LTBR: variants seen among roughly 807,000 people sequenced by gnomAD.
LTBR encodes the protein tumor necrosis factor receptor superfamily member 3.
LTBR carries 15 observed loss-of-function variants against 45.4 expected under a neutral mutation model. The observed-to-expected ratio is 0.33, with a 90% confidence interval of 0.22 to 0.51. LTBR has a LOEUF of 0.51. LTBR is among the 20% of genes least tolerant of loss of function. LTBR has a pLI of 0.97. For synonymous variants in LTBR, 228 were observed against 231.0 expected (o/e 0.99, Z 0.12); for missense variants, 450 against 565.5 (o/e 0.80, Z 2.07).
Position 6,384,387 on chromosome 12 carries a change from C to G in LTBR, c.29C>G (p.Pro10Arg). The change falls in exon 1 of 10, where the codon CCC (proline) becomes CGC (arginine). Residue 10 changes from proline to arginine, a missense_variant. This residue lies in a region of LTBR where 367 missense variants were observed against 435.4 expected (regional missense o/e 0.84). Coordinates refer to ENST00000228918, the MANE Select transcript of LTBR (RefSeq NM_002342.3). The part of the protein sequence containing the change: MLLPWATSA[P>R]GLAWGPLVLG... ...CTCCTGCCTTGGGCCACCTCTGCCCCCGGCCTGGCCTGGGGGCCTCTGGTG... is the reference window on the plus strand; with the variant it reads ...CTCCTGCCTTGGGCCACCTCTGCCCGCGGCCTGGCCTGGGGGCCTCTGGTG... The G allele has an allele frequency of 6.5e-7, 1 of 1,537,378 alleles. No individual in the cohort carries two copies.
chr12:6,384,438 C>T lies in LTBR; in HGVS notation c.80C>T (p.Ala27Val), dbSNP rs1949014924. ...CTGGGCCTCTTCGGGCTCCTGGCAGCATCGCAGCCCCAGGCGGTGAGGAAG... is the reference window on the plus strand; with the variant it reads ...CTGGGCCTCTTCGGGCTCCTGGCAGTATCGCAGCCCCAGGCGGTGAGGAAG... ...LVLGLFGLLA[A>V]SQPQAVPPYA... Residue 27 changes from alanine to valine, a missense_variant, in exon 1 of 10, where the codon GCA becomes GTA. Transcript: ENST00000228918. 1 of 1,550,480 alleles carries T rather than the reference C, an allele frequency of 6.4e-7. No individual in the cohort carries two copies. The highest frequency in any genetic ancestry group is 1.2e-5 in the South Asian group (1 of 84,726).
intron 1 of LTBR, among the ~76,000 whole-genome samples, chr12:6,378,959 G>A (rs530922292): frequency 6.6e-6 from 1 of 152,068 alleles, no homozygotes; most frequent in South Asian, 2.1e-4. Flanking sequence ...GAAACCAGAG[G>A]GGCTGCCATG....
At position 6,375,607 on chromosome 12, in the gene LTBR, G is replaced by A. The variant is rs1173060998; in HGVS notation, c.39+13G>A. The A allele has an allele frequency of 1.1e-5, 14 of 1,240,478 alleles. No homozygotes were observed. The Admixed American group carries it at 1.2e-4, about 11-fold the overall frequency. 76.8% of individuals were successfully genotyped at this position (1,240,478 alleles called of 1,614,324 possible). A position where few individuals can be genotyped will look rare whatever the true frequency, so the allele number is the denominator to read the frequency against. Reference sequence around the variant, plus strand: ...ATCTCAATTAAAGGTGAGCAGGGCGGGGGGAGGGGCTGAGGAGGAGTCAGA... The same window carrying A: ...ATCTCAATTAAAGGTGAGCAGGGCGAGGGGAGGGGCTGAGGAGGAGTCAGA... On this transcript the variant is annotated intron_variant, in intron 1 of 9. Transcript: ENST00000539925.
At position 6,385,093 on chromosome 12, in the gene LTBR, A is replaced by G; in HGVS notation, c.265A>G (p.Asn89Asp). ...TGCCACATGTGCCGAGAATTCCTAC[A>G]ACGAGCACTGGAACTACCTGACCAT... Reference protein sequence around the residue: ...VCATCAENSYNEHWNYLTICQ... With the variant: ...VCATCAENSYDEHWNYLTICQ... Residue 89 changes from asparagine to aspartate, a missense_variant, in exon 3 of 10, where the codon AAC (asparagine) becomes GAC (aspartate). Physicochemically the swap from Asn to Asp is conservative, Grantham distance 23. Coordinates refer to ENST00000228918, the MANE Select transcript of LTBR (RefSeq NM_002342.3). 6.2e-7 allele frequency: 1 copy of G among 1,614,178 alleles called. No homozygotes were observed. The highest frequency in any genetic ancestry group is 8.5e-7 in the Non-Finnish European group (1 of 1,180,020).
chr12:6,386,604 TAC>T lies in LTBR; in HGVS notation c.667+191_667+192del, dbSNP rs3075360. The T allele has an allele frequency of 0.24, 125,447 of 520,378 alleles. 2,624 individuals carry two copies. The highest frequency in any genetic ancestry group is 0.31 in the Admixed American group (9,345 of 30,230). 32.2% of individuals were successfully genotyped at this position (520,378 alleles called of 1,614,324 possible). On this transcript the variant is annotated intron_variant, in intron 6 of 9. Transcript: ENST00000228918. The surrounding 1 kb of genome is among the most constrained non-coding windows in gnomAD (Gnocchi z 4.1). ...AAATTGGAGTATCTCTAGGCTAGTTTACACACACACACACACACACACACACA... is the reference window on the plus strand; with the variant it reads ...AAATTGGAGTATCTCTAGGCTAGTTTACACACACACACACACACACACACA...
chr12:6,390,107 T>C lies in LTBR; in HGVS notation c.802-5T>C. ...ATTGTTTGGGTCTCCATCTCTTTCC[T>C]GCAGGGAGAGGGACCCAATCCTGTA... is the stretch of plus-strand genomic sequence containing the variant. On this transcript the variant is annotated splice_polypyrimidine_tract_variant and splice_region_variant and intron_variant, in intron 8 of 9. Transcript: ENST00000228918. 6.2e-7 allele frequency: 1 copy of C among 1,607,308 alleles called. No individual in the cohort carries two copies. The highest frequency in any genetic ancestry group is 8.5e-7 in the Non-Finnish European group (1 of 1,174,064).
chr12:6,377,682 C>T lies in LTBR; in HGVS notation c.39+2088C>T, dbSNP rs1367393456. 5.4e-6 allele frequency: 7 copies of T among 1,298,762 alleles called. No individual in the cohort carries two copies. In the East Asian group the frequency reaches 2.7e-4, roughly 49 times the overall value. 80.5% of individuals were successfully genotyped at this position (1,298,762 alleles called of 1,614,324 possible). A position where few individuals can be genotyped will look rare whatever the true frequency, so the allele number is the denominator to read the frequency against. On this transcript the variant is annotated intron_variant, in intron 1 of 9. Transcript: ENST00000539925. ...AGGTCCTTACATTGGGCATGGTCCTCCCTGCAATAAGGTGCTCAGCACCCT... is the reference window on the plus strand; with the variant it reads ...AGGTCCTTACATTGGGCATGGTCCTTCCTGCAATAAGGTGCTCAGCACCCT...
Position 6,386,469 on chromosome 12 carries a change from C to CGGT in LTBR, c.667+27_667+28insTGG. On this transcript the variant is annotated intron_variant, in intron 6 of 9. Coordinates refer to ENST00000228918, the MANE Select transcript of LTBR (RefSeq NM_002342.3). The surrounding 1 kb of genome is among the most constrained non-coding windows in gnomAD (Gnocchi z 4.1). Reference sequence around the variant, plus strand: ...GGTGAGGGACCAGGGCTGAGGGACACGGGGGGGGCGCCTCTGAAAATGCCT... The same window carrying CGGT: ...GGTGAGGGACCAGGGCTGAGGGACACGGTGGGGGGGGCGCCTCTGAAAATGCCT... The CGGT allele has an allele frequency of 6.7e-7, 1 of 1,483,910 alleles. No individual in the cohort carries two copies. The highest frequency in any genetic ancestry group is 1.2e-5 in the South Asian group (1 of 85,528). 91.9% of individuals were successfully genotyped at this position (1,483,910 alleles called of 1,614,324 possible).
chr12:6,388,938 A>G lies in LTBR; in HGVS notation c.801+113A>G, dbSNP rs1412507324. 3.7e-6 allele frequency: 5 copies of G among 1,336,960 alleles called. No homozygotes were observed. The African/African-American group carries it at 7.2e-5, about 19-fold the overall frequency. The allele number at this position is 1,336,960 out of a possible 1,614,324, so 82.8% of individuals were successfully genotyped here. Reference sequence around the variant, plus strand: ...GACTCCACACTCATTCATTCATTCAACTGATGATTTACTGAACATGCCACG... The same window carrying G: ...GACTCCACACTCATTCATTCATTCAGCTGATGATTTACTGAACATGCCACG... On this transcript the variant is annotated intron_variant, in intron 8 of 9. Transcript: ENST00000228918. The surrounding 1 kb of genome is among the most constrained non-coding windows in gnomAD (Gnocchi z 4.3).
At chr12:6,384,742 C>A in intron 2 of LTBR, 58 bp downstream of exon 2, 1 of 1,507,628 alleles carries the variant, frequency 6.6e-7, no homozygotes, top group Non-Finnish European at 9.2e-7. Flanking sequence ...GGGGCTCCAG[C>A]CCCCTCGCGG....
At chr12:6,377,630 C>T in intron 1 of LTBR, 1 of 1,303,904 alleles carries the variant, frequency 7.7e-7, no homozygotes, top group South Asian at 1.2e-5. Flanking sequence ...CCCAGAGACC[C>T]CTAGAAACTC....
upstream of LTBR, among the ~76,000 whole-genome samples, chr12:6,381,430 C>T (rs1200793726): frequency 6.6e-6 from 1 of 152,202 alleles, no homozygotes; most frequent in Non-Finnish European, 1.5e-5. Context: ...GCAAGCAAAC[C>T]AGTAGCTGAC....
In LTBR at chr12:6,391,006, C is replaced by G; in HGVS notation, c.*69C>G. On this transcript the variant is annotated 3_prime_UTR_variant, in exon 10 of 10. Transcript: ENST00000228918. Reference sequence around the variant, plus strand: ...TTCTCCCTTGAGGCTGCCCTGCCCACGTGGGATTCACAGGGGCCTGAGTAG... The same window carrying G: ...TTCTCCCTTGAGGCTGCCCTGCCCAGGTGGGATTCACAGGGGCCTGAGTAG... The G allele has an allele frequency of 6.9e-7, 1 of 1,442,328 alleles. No homozygotes were observed. Among genetic ancestry groups the G allele is most frequent in the Non-Finnish European group, 9.2e-7 (1 of 1,090,596 alleles). The allele number at this position is 1,442,328 out of a possible 1,614,324, so 89.3% of individuals were successfully genotyped here.
At position 6,391,035 on chromosome 12, in the gene LTBR, C is replaced by G. The variant is rs41355445; in HGVS notation, c.*98C>G. 3.0e-3 allele frequency: 3,930 copies of G among 1,291,360 alleles called. 79 individuals carry two copies. The African/African-American group carries it at 0.05, about 17-fold the overall frequency. The allele number at this position is 1,291,360 out of a possible 1,614,324, so 80.0% of individuals were successfully genotyped here. ...GGATTCACAGGGGCCTGAGTAGGGCCCGGGGAAGCAGAGCCCTAAGGGATT... is the reference window on the plus strand; with the variant it reads ...GGATTCACAGGGGCCTGAGTAGGGCGCGGGGAAGCAGAGCCCTAAGGGATT... On this transcript the variant is annotated 3_prime_UTR_variant, in exon 10 of 10. Transcript: ENST00000228918.
rs1307465434 is a variant in LTBR, at chr12:6,386,015, G to A, written c.473-51G>A. On this transcript the variant is annotated intron_variant, in intron 4 of 9. Coordinates refer to ENST00000228918, the MANE Select transcript of LTBR (RefSeq NM_002342.3). The surrounding 1 kb of genome is among the most constrained non-coding windows in gnomAD (Gnocchi z 4.1). ...AAGGAAACTCACAGGCCGGCAAAGGGCCCCTCCCTTTTGCCCATTCACCCT... is the reference window on the plus strand; with the variant it reads ...AAGGAAACTCACAGGCCGGCAAAGGACCCCTCCCTTTTGCCCATTCACCCT... 1 of 1,308,412 alleles carries A rather than the reference G, an allele frequency of 7.6e-7. No homozygotes were observed. Among genetic ancestry groups the A allele is most frequent in the South Asian group, 1.2e-5 (1 of 84,408 alleles). The allele number at this position is 1,308,412 out of a possible 1,614,324, so 81.1% of individuals were successfully genotyped here.
chr12:6,379,229 C>T (rs140686659), upstream of LTBR, among the ~76,000 whole-genome samples: 373 of 152,304 alleles, frequency 2.4e-3, 1 homozygote, highest in East Asian at 0.037. Flanking sequence ...GTCTAGCGGT[C>T]ACTGTTTGCT....
Position 6,391,169 on chromosome 12 carries a change from A to G in LTBR, c.*232A>G. On this transcript the variant is annotated 3_prime_UTR_variant, in exon 10 of 10. Transcript: ENST00000228918. Reference sequence around the variant, plus strand: ...CTGAGGCCTCCCGGCAGACCCACCCACCCCCTGGGGCTGCTCAGCCTCAGG... The same window carrying G: ...CTGAGGCCTCCCGGCAGACCCACCCGCCCCCTGGGGCTGCTCAGCCTCAGG... 1 of 416,940 alleles carries G rather than the reference A, an allele frequency of 2.4e-6. No individual in the cohort carries two copies. Among genetic ancestry groups the G allele is most frequent in the Non-Finnish European group, 4.2e-6 (1 of 238,856 alleles). 25.8% of individuals were successfully genotyped at this position (416,940 alleles called of 1,614,324 possible).
chr12:6,386,195 C>T lies in LTBR; in HGVS notation c.569+33C>T, dbSNP rs909595007. 3 of 1,574,590 alleles carry T rather than the reference C, an allele frequency of 1.9e-6. No individual in the cohort carries two copies. Among genetic ancestry groups the T allele is most frequent in the Middle Eastern group, 1.7e-4 (1 of 5,756 alleles). ...CAGCCCCACCCAAGCTCCTTCCACC[C>T]TCTGAGAAGCCTCAGCTGCTAACAA... On this transcript the variant is annotated intron_variant, in intron 5 of 9. Transcript: ENST00000228918. This position sits in a 1 kb window ranked among gnomAD's most constrained non-coding sequence, Gnocchi z 4.1.
At chr12:6,390,578 C>T (rs1949101831) in intron 9 of LTBR, 82 bp from the exon 10 acceptor site, 12 of 1,387,360 alleles carry the variant, frequency 8.6e-6, no homozygotes, top group Non-Finnish European at 1.1e-5. Flanking sequence ...AGGGGAAAGG[C>T]GAGAAGAAGG....
Sources: allele counts gnomAD v4.1 joint callset (sites outside exome capture counted in the v4.1 genomes callset), GRCh38; gene constraint gnomAD v4.1.1; regional missense constraint gnomAD v4.1.1; non-coding constraint Gnocchi (gnomAD v3.1); transcripts MANE v1.5; gene names NCBI Gene and HGNC (gene_info 2026-07-23, HGNC 2026-07-21).